EDDM3A: variants seen among roughly 807,000 people sequenced by gnomAD.
EDDM3A encodes the protein epididymal protein 3A.
For missense variants in EDDM3A, 199 were observed against 177.4 expected (o/e 1.12, Z -0.69); for synonymous variants, 75 against 60.4 (o/e 1.24, Z -1.12).
the EDDM3A span, among the ~76,000 whole-genome samples, chr14:20,738,327 C>T: frequency 4.6e-5 from 7 of 151,896 alleles, no homozygotes; most frequent in South Asian, 6.2e-4. Flanking sequence ...AAAAATTAGC[C>T]GGGCGTGGCG....
upstream of EDDM3A, among the ~76,000 whole-genome samples, chr14:20,742,299 A>G (rs1277512896): frequency 6.6e-6 from 1 of 152,246 alleles, no homozygotes; most frequent in Non-Finnish European, 1.5e-5. Flanking sequence ...GCTGAGTCTT[A>G]AACAATACCA....
At chr14:20,741,951 C>T (rs568355034), upstream of EDDM3A, among the ~76,000 whole-genome samples, 2 of 152,294 alleles carry the variant, frequency 1.3e-5, no homozygotes, top group South Asian at 2.1e-4. Context: ...AAGAACCATT[C>T]CTGCAACCCC....
upstream of EDDM3A, chr14:20,745,857 T>TC (rs888258751): frequency 6.6e-5 from 10 of 152,632 alleles, no homozygotes; most frequent in African/African-American, 2.2e-4. Context: ...GCCCTGCAGC[T>TC]CCCCCTACTA....
At chr14:20,745,255 A>G (rs1353192811), upstream of EDDM3A, among the ~76,000 whole-genome samples, 2 of 149,804 alleles carry the variant, frequency 1.3e-5, no homozygotes, top group Admixed American at 6.7e-5. Flanking sequence ...GACCAGGCAC[A>G]GCGAGTCACA....
Position 20,748,040 on chromosome 14 carries a change from C to G in EDDM3A, c.*16C>G. The G allele has an allele frequency of 1.3e-6, 2 of 1,569,664 alleles. No individual in the cohort carries two copies. Among genetic ancestry groups the G allele is most frequent in the Non-Finnish European group, 1.7e-6 (2 of 1,157,696 alleles). ...CAGCAACTAGAAAGTCTATGCACATCCTCAGATATTGGTAGAGTATTCAGT... is the reference window on the plus strand; with the variant it reads ...CAGCAACTAGAAAGTCTATGCACATGCTCAGATATTGGTAGAGTATTCAGT... On this transcript the variant is annotated 3_prime_UTR_variant, in exon 2 of 2. Transcript: ENST00000326842.
chr14:20,745,718 T>C (rs1440683832), upstream of EDDM3A, among the ~76,000 whole-genome samples: 1 of 152,052 alleles, frequency 6.6e-6, no homozygotes, highest in East Asian at 1.9e-4. Context: ...GGCTCAGCCT[T>C]TGATGTTTGT....
the EDDM3A span, among the ~76,000 whole-genome samples, chr14:20,737,028 CTTTCTTTTCT>C: frequency 2.3e-4 from 34 of 146,510 alleles, no homozygotes; most frequent in African/African-American, 7.6e-4. Flanking sequence ...ATGCAGACTT[CTTTCTTTTCT>C]TTTCTTTTCT....
chr14:20,742,620 A>T (rs1877468797), upstream of EDDM3A, among the ~76,000 whole-genome samples: 1 of 152,136 alleles, frequency 6.6e-6, no homozygotes, highest in Admixed American at 6.5e-5. Context: ...TTTGAGAGAC[A>T]GGGTCTCACT....
upstream of EDDM3A, among the ~76,000 whole-genome samples, chr14:20,741,228 C>T (rs1877426333): frequency 6.6e-6 from 1 of 152,162 alleles, no homozygotes. Context: ...GTTTTCTGGA[C>T]TGCATTTGGA....
At chr14:20,739,914 C>G in the EDDM3A span, among the ~76,000 whole-genome samples, 1 of 152,056 alleles carries the variant, frequency 6.6e-6, no homozygotes, top group Non-Finnish European at 1.5e-5. Context: ...CTTTTTTGCT[C>G]AAGAATTGCT....
At chr14:20,739,616 C>T in the EDDM3A span, among the ~76,000 whole-genome samples, 2,324 of 152,290 alleles carry the variant, frequency 0.015, 27 homozygotes, top group Middle Eastern at 0.031. Context: ...TGCATCCTCA[C>T]CAGCTTTGGT....
At chr14:20,738,322 T>C in the EDDM3A span, among the ~76,000 whole-genome samples, 1 of 151,892 alleles carries the variant, frequency 6.6e-6, no homozygotes, top group Non-Finnish European at 1.5e-5. Context: ...AATACAAAAA[T>C]TAGCCGGGCG....
the EDDM3A span, among the ~76,000 whole-genome samples, chr14:20,738,461 C>T: frequency 1.4e-5 from 2 of 140,788 alleles, no homozygotes; most frequent in Non-Finnish European, 3.1e-5. Flanking sequence ...CAGAGTGAGA[C>T]TCTGTCTCAA....
the EDDM3A span, among the ~76,000 whole-genome samples, chr14:20,738,585 T>C: frequency 6.6e-6 from 1 of 152,162 alleles, no homozygotes; most frequent in African/African-American, 2.4e-5. Context: ...TAAATACTCT[T>C]CAAAATATAG....
chr14:20,743,509 C>T (rs1209835332), upstream of EDDM3A, among the ~76,000 whole-genome samples: 2 of 144,990 alleles, frequency 1.4e-5, no homozygotes. Context: ...GAGATCATGC[C>T]TGGACGACAA....
In EDDM3A at chr14:20,748,345, C is replaced by G. The variant is rs1877671820; in HGVS notation, c.*321C>G. The G allele has an allele frequency of 4.5e-6, 1 of 219,842 alleles. No homozygotes were observed. Among genetic ancestry groups the G allele is most frequent in the South Asian group, 1.4e-4 (1 of 7,036 alleles). The allele number at this position is 219,842 out of a possible 1,614,324, so 13.6% of individuals were successfully genotyped here. ...TTATACCTACCCAAGCTGAACGACC[C>G]TCCTTTTCTTAAATAAAATATATTA... On this transcript the variant is annotated 3_prime_UTR_variant, in exon 2 of 2. Coordinates refer to ENST00000326842, the MANE Select transcript of EDDM3A (RefSeq NM_006683.5).
chr14:20,738,341 T>C, the EDDM3A span, among the ~76,000 whole-genome samples: 1 of 151,906 alleles, frequency 6.6e-6, no homozygotes, highest in Non-Finnish European at 1.5e-5. Flanking sequence ...CGTGGCGACA[T>C]GTGTCTGTAG....
the EDDM3A span, among the ~76,000 whole-genome samples, chr14:20,738,470 AAAATAAATAAAT>A: frequency 0.014 from 2,011 of 143,384 alleles, 51 homozygotes; most frequent in African/African-American, 0.048. Flanking sequence ...ACTCTGTCTC[AAAATAAATAAAT>A]AAATAAATAA....
At chr14:20,743,182 G>A (rs556672050), upstream of EDDM3A, among the ~76,000 whole-genome samples, 6 of 152,330 alleles carry the variant, frequency 3.9e-5, no homozygotes, top group Non-Finnish European at 7.4e-5. Context: ...TCCCCTGAAT[G>A]AGGAACCTAA....
Sources: gnomAD v4.1 joint callset for allele counts (sites outside exome capture counted in the v4.1 genomes callset) on GRCh38, gnomAD v4.1.1 for gene constraint, MANE v1.5 for transcripts, NCBI Gene and HGNC (gene_info 2026-07-23, HGNC 2026-07-21) for gene names.